Variants in SGK3 observed in about 807,000 individuals in gnomAD.
SGK3 encodes serine/threonine-protein kinase Sgk3.
SGK3 carries 47 observed loss-of-function variants against 68.5 expected under a neutral mutation model. That is an observed-to-expected ratio of 0.69 (90% confidence interval 0.54 to 0.87). The LOEUF (loss-of-function observed/expected upper bound fraction) is 0.87, where lower values mean the gene tolerates loss of function less well. Among genes scored for constraint, SGK3 ranks in the 40% least tolerant of loss-of-function variants. The pLI, the probability that SGK3 is intolerant of heterozygous loss-of-function variation, is 0.00. For missense variants in SGK3, 479 were observed against 575.5 expected, an observed-to-expected ratio of 0.83 and a Z score of 1.72; for synonymous variants, 181 against 189.1, an observed-to-expected ratio of 0.96 and a Z score of 0.35.
At chr8:66,722,386 G>T (rs1804819407) in intron 1 of SGK3, among the ~76,000 whole-genome samples, 1 of 152,156 alleles carries the variant, frequency 6.6e-6, no homozygotes, top group Non-Finnish European at 1.5e-5. Flanking sequence ...AAGTTCAAGC[G>T]GTTCTCCTGC....
At chr8:66,764,390 CTTA>C (rs1806256599) in intron 1 of SGK3, among the ~76,000 whole-genome samples, 1 of 151,870 alleles carries the variant, frequency 6.6e-6, no homozygotes, top group Non-Finnish European at 1.5e-5. Flanking sequence ...GCTTTTAGTC[CTTA>C]TTATATTTCC....
rs1217049159 is a variant in SGK3 at position 66,855,205 on chromosome 8, T to TATTG, written c.1321-4192_1321-4189dup. 9.8e-5 allele frequency among the ~76,000 whole-genome samples: 15 copies of TATTG among 152,302 alleles called. No homozygotes were observed. In the East Asian group the frequency reaches 2.5e-3, roughly 25 times the overall value. On this transcript the variant is annotated intron_variant, in intron 16 of 16. Coordinates refer to ENST00000521198, the MANE Select transcript of SGK3 (RefSeq NM_001033578.3). ...ACATAAAATTTCATTTCATTTCATT[T>TATTG]ATTGATTGATTGATTGAGACAGAGT... is the stretch of plus-strand genomic sequence containing the variant.
At chr8:66,749,932 G>GGTGT (rs139702561) in intron 1 of SGK3, among the ~76,000 whole-genome samples, 2,458 of 144,894 alleles carry the variant, frequency 0.017, 38 homozygotes, top group African/African-American at 0.028. Context: ...TAGTTTCTAG[G>GGTGT]GTGTGTGTGT....
rs766809256 is a variant in SGK3, at chr8:66,835,838, A to G, written c.601A>G (p.Arg201Gly). 6.2e-7 allele frequency: 1 copy of G among 1,609,548 alleles called. No homozygotes were observed. The highest frequency in any genetic ancestry group is 8.5e-7 in the Non-Finnish European group (1 of 1,179,026). ...GTTACAGAAAAAAATAGTTCTCAAC[A>G]GAAAAGAGGTAAAATAAAATAGTTG... The part of the protein sequence containing the change: ...KVLQKKIVLN[R>G]KEQKHIMAER... The change falls in exon 9 of 17, where the codon AGA becomes GGA. Residue 201 changes from arginine (R) to glycine (G), a missense_variant. Arg to Gly is a moderately radical substitution (Grantham distance 125). This residue lies in a region of SGK3 where 298 missense variants were observed against 329.4 expected (regional missense o/e 0.90). Coordinates refer to ENST00000521198, the MANE Select transcript of SGK3 (RefSeq NM_001033578.3).
intron 1 of SGK3, among the ~76,000 whole-genome samples, chr8:66,741,411 T>A (rs1464750257): frequency 1.3e-5 from 2 of 150,914 alleles, no homozygotes; most frequent in Non-Finnish European, 2.9e-5. Context: ...GCTGCATGTG[T>A]TGGTGGGCAT....
intron 1 of SGK3, among the ~76,000 whole-genome samples, chr8:66,760,339 T>TC (rs1806123922): frequency 6.9e-6 from 1 of 144,512 alleles, no homozygotes; most frequent in African/African-American, 2.5e-5. Context: ...TCTTTTTTTT[T>TC]TTTTTTTTTT....
intron 1 of SGK3, among the ~76,000 whole-genome samples, chr8:66,714,670 G>T (rs1261158036): frequency 2.6e-5 from 4 of 152,168 alleles, no homozygotes; most frequent in South Asian, 4.1e-4. Flanking sequence ...TGTCATTTGT[G>T]AATTCAGTTT....
At chr8:66,850,684 T>C in intron 15 of SGK3, 147 bp from the exon 16 acceptor site, 1 of 725,540 alleles carries the variant, frequency 1.4e-6, no homozygotes. Flanking sequence ...ATGAATAACA[T>C]CATTTTGCCA....
chr8:66,813,946 C>T lies in SGK3; in HGVS notation c.329+18C>T, dbSNP rs200927694. 1.2e-5 allele frequency: 18 copies of T among 1,560,958 alleles called. No homozygotes were observed. The South Asian group carries it at 1.6e-4, about 14-fold the overall frequency. ...TATAACCAGTAAGTAATTTTTGTTG[C>T]GTTCTAAAGGGACATTAAAACTAAA... On this transcript the variant is annotated intron_variant, in intron 5 of 16. Transcript: ENST00000521198.
intron 6 of SGK3, among the ~76,000 whole-genome samples, chr8:66,828,043 G>A (rs994374609): frequency 2.0e-5 from 3 of 151,908 alleles, no homozygotes; most frequent in African/African-American, 7.3e-5. Flanking sequence ...AGAATGACGT[G>A]AAGCGGGGAG....
chr8:66,832,148 G>A (rs1416920769), intron 8 of SGK3, among the ~76,000 whole-genome samples: 2 of 152,072 alleles, frequency 1.3e-5, no homozygotes, highest in African/African-American at 2.4e-5. Context: ...AGAAGGAAAC[G>A]AATGTGTAAA....
At chr8:66,750,359 T>C (rs1805777216) in intron 1 of SGK3, among the ~76,000 whole-genome samples, 1 of 152,082 alleles carries the variant, frequency 6.6e-6, no homozygotes, top group South Asian at 2.1e-4. Context: ...GTTCTCTGCT[T>C]AAGACATTTA....
intron 7 of SGK3, among the ~76,000 whole-genome samples, chr8:66,829,041 T>C (rs58411534): frequency 0.02 from 3,024 of 151,732 alleles, 102 homozygotes; most frequent in African/African-American, 0.068. Context: ...CCACAAGTCC[T>C]ATGAGGTCCT....
chr8:66,723,123 ATATATATATTTT>A (rs1358273261), intron 1 of SGK3, among the ~76,000 whole-genome samples: 62 of 51,402 alleles, frequency 1.2e-3, no homozygotes, highest in African/African-American at 2.6e-3. Context: ...ATATATATAT[ATATATATATTTT>A]TTTTTTTTTT....
chr8:66,845,309 G>A (rs1370944860), intron 14 of SGK3, among the ~76,000 whole-genome samples: 1 of 152,068 alleles, frequency 6.6e-6, no homozygotes, highest in African/African-American at 2.4e-5. Flanking sequence ...TGAGTCAGGA[G>A]AATCACTTGA....
At chr8:66,831,067 T>C (rs564692975) in intron 7 of SGK3, among the ~76,000 whole-genome samples, 187 bp from the exon 8 acceptor site, 1 of 152,320 alleles carries the variant, frequency 6.6e-6, no homozygotes, top group South Asian at 2.1e-4. Context: ...GATCAGAAAG[T>C]AGATATTACT....
intron 1 of SGK3, chr8:66,767,700 G>A: frequency 2.1e-6 from 3 of 1,456,258 alleles, no homozygotes; most frequent in Non-Finnish European, 2.9e-6. Flanking sequence ...CAGGAACAGA[G>A]TTTTTTGCTT....
chr8:66,840,995 T>C, intron 12 of SGK3, 29 bp from the exon 13 acceptor site: 1 of 1,521,738 alleles, frequency 6.6e-7, no homozygotes, highest in Non-Finnish European at 8.8e-7. Flanking sequence ...TTATGCATTG[T>C]TTTATCTTAC....
chr8:66,749,935 GTGT>G (rs1563608588), intron 1 of SGK3, among the ~76,000 whole-genome samples: 2 of 112,212 alleles, frequency 1.8e-5, no homozygotes, highest in Non-Finnish European at 3.7e-5. Flanking sequence ...TTTCTAGGGT[GTGT>G]GTGTGTGTGT....
Sources: gnomAD v4.1 joint callset for allele counts (sites outside exome capture counted in the v4.1 genomes callset) on GRCh38, gnomAD v4.1.1 for gene constraint, gnomAD v4.1.1 regional missense constraint, MANE v1.5 for transcripts, NCBI Gene and HGNC (gene_info 2026-07-23, HGNC 2026-07-21) for gene names.